Variants in NLN observed in about 807,000 individuals in gnomAD.
NLN encodes the protein neurolysin, mitochondrial.
In NLN, 64 loss-of-function variants were observed where a neutral mutation model predicts 79.9. That is an observed-to-expected ratio of 0.80 (90% confidence interval 0.65 to 0.99). NLN has a LOEUF of 0.99. NLN is among the 50% of genes least tolerant of loss of function. The pLI is 0.00. For missense variants in NLN, 835 were observed against 858.7 expected, an observed-to-expected ratio of 0.97 and a Z score of 0.34; for synonymous variants, 267 against 296.6, an observed-to-expected ratio of 0.90 and a Z score of 1.02.
At chr5:65,798,367 A>G (rs1383093527) in intron 9 of NLN, among the ~76,000 whole-genome samples, 1 of 152,208 alleles carries the variant, frequency 6.6e-6, no homozygotes, top group Non-Finnish European at 1.5e-5. Context: ...CACTGGAGAC[A>G]ATACTATTAT....
chr5:65,769,552 T>C (rs909070733), intron 3 of NLN, among the ~76,000 whole-genome samples: 49 of 152,202 alleles, frequency 3.2e-4, no homozygotes, highest in African/African-American at 1.0e-3. Flanking sequence ...AAAAATTTTT[T>C]TAAAACCTTC....
rs554459828 is a variant in NLN at position 65,823,326 on chromosome 5, C to T, written c.*411C>T. ...ATTTCTGGACTGATAAATGAATCAT[C>T]ACATTCTTCTGGTAAATATTTTCTT... On this transcript the variant is annotated 3_prime_UTR_variant, in exon 13 of 13. Coordinates refer to ENST00000380985, the MANE Select transcript of NLN (RefSeq NM_020726.5). 1.9e-5 allele frequency: 3 copies of T among 157,928 alleles called. No individual in the cohort carries two copies. Among genetic ancestry groups the T allele is most frequent in the South Asian group, 1.9e-4 (1 of 5,342 alleles). The allele number at this position is 157,928 out of a possible 1,614,324, so 9.8% of individuals were successfully genotyped here.
At chr5:65,781,198 C>T in intron 5 of NLN, 63 bp from the exon 6 acceptor site, 2 of 1,032,746 alleles carry the variant, frequency 1.9e-6, no homozygotes, top group South Asian at 2.9e-5. Flanking sequence ...AGGCACCATG[C>T]CAATACTAAA....
chr5:65,788,570 T>C, intron 8 of NLN, 86 bp downstream of exon 8: 2 of 1,353,520 alleles, frequency 1.5e-6, no homozygotes, highest in Non-Finnish European at 2.1e-6. Flanking sequence ...GCACAGTGGC[T>C]CATGCCTGTA....
rs746303833 is a variant in NLN, at chr5:65,828,665, C to T, written c.*5750C>T. 3.3e-5 allele frequency: 5 copies of T among 152,220 alleles called. No individual in the cohort carries two copies. Among genetic ancestry groups the T allele is most frequent in the Non-Finnish European group, 7.3e-5 (5 of 68,044 alleles). 9.4% of individuals were successfully genotyped at this position (152,220 alleles called of 1,614,324 possible). ...ACTTTTTGTTGGTTAAAAATACATT[C>T]CGCTGCTGTGGAAAGCCTGTAGCTG... is the stretch of plus-strand genomic sequence containing the variant. On this transcript the variant is annotated 3_prime_UTR_variant, in exon 13 of 13. Transcript: ENST00000380985.
At chr5:65,770,057 C>T (rs1759535006) in intron 3 of NLN, among the ~76,000 whole-genome samples, 1 of 152,158 alleles carries the variant, frequency 6.6e-6, no homozygotes, top group Admixed American at 6.5e-5. Flanking sequence ...AACTGAAAAG[C>T]AATTCCTGAT....
chr5:65,816,479 T>C (rs2150777133), intron 12 of NLN, among the ~76,000 whole-genome samples: 1 of 151,436 alleles, frequency 6.6e-6, no homozygotes, highest in South Asian at 2.1e-4. Flanking sequence ...GGCAAACCCA[T>C]GTGACACAAG....
chr5:65,806,424 T>C (rs1246278432), intron 9 of NLN, among the ~76,000 whole-genome samples: 1 of 152,148 alleles, frequency 6.6e-6, no homozygotes, highest in Non-Finnish European at 1.5e-5. Flanking sequence ...TAACAGAAAT[T>C]TGTAAGAAAT....
intron 1 of NLN, 91 bp downstream of exon 1, chr5:65,722,505 C>T: frequency 8.5e-7 from 1 of 1,172,672 alleles, no homozygotes; most frequent in Non-Finnish European, 1.2e-6. Context: ...CCCTTCCCGA[C>T]CGCGCCTCTC....
At chr5:65,729,906 A>G (rs974255486) in intron 1 of NLN, among the ~76,000 whole-genome samples, 4 of 152,240 alleles carry the variant, frequency 2.6e-5, no homozygotes, top group Non-Finnish European at 5.9e-5. Flanking sequence ...AGCATCATAG[A>G]GTCGACTATA....
At chr5:65,745,724 A>G (rs1758962266) in intron 1 of NLN, among the ~76,000 whole-genome samples, 1 of 152,200 alleles carries the variant, frequency 6.6e-6, no homozygotes, top group Admixed American at 6.5e-5. Flanking sequence ...GTTAGGGCAG[A>G]TTCAGAAGTA....
intron 3 of NLN, among the ~76,000 whole-genome samples, chr5:65,769,180 G>A (rs536297807): frequency 5.3e-5 from 8 of 152,340 alleles, no homozygotes; most frequent in African/African-American, 1.4e-4. Context: ...ACAAGTCACC[G>A]CATTCTGCCC....
intron 1 of NLN, among the ~76,000 whole-genome samples, chr5:65,750,915 T>C (rs1010192568): frequency 6.6e-6 from 1 of 152,128 alleles, no homozygotes; most frequent in African/African-American, 2.4e-5. Flanking sequence ...GGACTTGAGC[T>C]ATGGCCTGAG....
At chr5:65,811,425 C>G (rs13358755) in intron 11 of NLN, among the ~76,000 whole-genome samples, 19,380 of 152,132 alleles carry the variant, frequency 0.13, 1,332 homozygotes, top group South Asian at 0.21. Context: ...GCCTGTAATC[C>G]AGCATTTTGG....
At chr5:65,745,244 T>C (rs906629513) in intron 1 of NLN, among the ~76,000 whole-genome samples, 1 of 152,234 alleles carries the variant, frequency 6.6e-6, no homozygotes. Context: ...AGACATGTGA[T>C]GTAAGCATGT....
At chr5:65,787,090 AAGG>A (rs1458177664) in intron 7 of NLN, among the ~76,000 whole-genome samples, 3 of 152,134 alleles carry the variant, frequency 2.0e-5, no homozygotes, top group Non-Finnish European at 4.4e-5. Context: ...AATTCATTTA[AAGG>A]AGTTTTCCTT....
rs752785590 is a variant in NLN, at chr5:65,792,693, G to GT, written c.1527+45dup. On this transcript the variant is annotated intron_variant, in intron 9 of 12. Transcript: ENST00000380985. ...TTTCCCCCAGTAAACCTGCCAATTA[G>GT]TTTTTTTAGAAAACTTCTTGACTGC... is the stretch of plus-strand genomic sequence containing the variant. The GT allele has an allele frequency of 3.2e-5, 48 of 1,496,414 alleles. 1 individual carries two copies. In the South Asian group the frequency reaches 5.0e-4, roughly 16 times the overall value. 92.7% of individuals were successfully genotyped at this position (1,496,414 alleles called of 1,614,324 possible).
At chr5:65,812,211 T>C in intron 11 of NLN, 44 bp from the exon 12 acceptor site, 1 of 1,576,910 alleles carries the variant, frequency 6.3e-7, no homozygotes, top group African/African-American at 1.3e-5. Context: ...ACCTGATCAT[T>C]AACGTTTGCT....
At chr5:65,803,411 T>A (rs1760333734) in intron 9 of NLN, among the ~76,000 whole-genome samples, 1 of 152,206 alleles carries the variant, frequency 6.6e-6, no homozygotes, top group Non-Finnish European at 1.5e-5. Flanking sequence ...GGCTGGCATG[T>A]CAGTGCTGTC....
Sources: allele counts gnomAD v4.1 joint callset (sites outside exome capture counted in the v4.1 genomes callset), GRCh38; gene constraint gnomAD v4.1.1; transcripts MANE v1.5; gene names NCBI Gene and HGNC (gene_info 2026-07-23, HGNC 2026-07-21).